The following COL28A1 variants were observed in gnomAD, a reference collection of about 807,000 sequenced individuals.
The protein encoded by COL28A1 is collagen alpha-1(XXVIII) chain.
In COL28A1, 161 loss-of-function variants were observed where a neutral mutation model predicts 150.2. That is an observed-to-expected ratio of 1.07 (90% confidence interval 0.94 to 1.22). The LOEUF (loss-of-function observed/expected upper bound fraction) is 1.22. Ranked by LOEUF, COL28A1 falls within the 50% of genes most tolerant of loss-of-function variation. COL28A1 has a pLI of 0.00. For missense variants in COL28A1, 1,617 were observed against 1,388.3 expected (o/e 1.16, Z -2.62); for synonymous variants, 552 against 469.7 (o/e 1.18, Z -2.26).
chr7:7,359,695 C>T (rs1780539664), intron 34 of COL28A1, among the ~76,000 whole-genome samples: 2 of 152,124 alleles, frequency 1.3e-5, no homozygotes. Context: ...CTTCCTTAAA[C>T]ATTTTCCCAG....
In COL28A1 at chr7:7,376,254, G is replaced by A. The variant is rs1391911154; in HGVS notation, c.2323-757C>T. ...AAGCTAAAAGAGATGATTAACAGAAGCCTAGATCTCAACAGGAAGGACCAG... is the reference window on the plus strand; with the variant it reads ...AAGCTAAAAGAGATGATTAACAGAAACCTAGATCTCAACAGGAAGGACCAG... On this transcript the variant is annotated intron_variant, in intron 30 of 34. Transcript: ENST00000399429. Among the ~76,000 whole-genome samples, 3 of 152,058 alleles carry A rather than the reference G, an allele frequency of 2.0e-5. No individual in the cohort carries two copies. In the East Asian group the frequency reaches 5.8e-4, roughly 29 times the overall value.
chr7:7,385,142 G>A (rs1240820995), intron 27 of COL28A1, among the ~76,000 whole-genome samples: 1 of 152,214 alleles, frequency 6.6e-6, no homozygotes, highest in Admixed American at 6.5e-5. Flanking sequence ...AACGCAAATA[G>A]TATAGGAACG....
chr7:7,532,050 G>C (rs1782396160), intron 2 of COL28A1, 146 bp from the exon 3 acceptor site: 3 of 521,542 alleles, frequency 5.8e-6, no homozygotes, highest in Middle Eastern at 5.1e-4. Flanking sequence ...TGGACAGAAG[G>C]CTTCAATTGT....
At chr7:7,525,764 T>C (rs78583728) in intron 3 of COL28A1, among the ~76,000 whole-genome samples, 3,206 of 152,312 alleles carry the variant, frequency 0.021, 111 homozygotes, top group African/African-American at 0.066. Context: ...GGGAATTAAG[T>C]GTCATTCTGG....
At chr7:7,529,794 G>T (rs1211989697) in intron 3 of COL28A1, among the ~76,000 whole-genome samples, 3 of 152,196 alleles carry the variant, frequency 2.0e-5, no homozygotes, top group Non-Finnish European at 4.4e-5. Flanking sequence ...TCTCCCACAC[G>T]GGCTGGAGCC....
Position 7,367,177 on chromosome 7 carries a change from C to T in COL28A1, c.3066+3548G>A, listed in dbSNP as rs545419967. 4.6e-5 allele frequency among the ~76,000 whole-genome samples: 7 copies of T among 152,144 alleles called. 1 individual carries two copies. Among genetic ancestry groups the T allele is most frequent in the Non-Finnish European group, 1.0e-4 (7 of 68,028 alleles). On this transcript the variant is annotated intron_variant, in intron 33 of 34. Coordinates refer to ENST00000399429, the MANE Select transcript of COL28A1 (RefSeq NM_001037763.3). ...GTGATATGCTGTGCAGGTTTGTAGCCTAGAAGCAATAGGCTAAACTATCTA... is the reference window on the plus strand; with the variant it reads ...GTGATATGCTGTGCAGGTTTGTAGCTTAGAAGCAATAGGCTAAACTATCTA...
At position 7,520,083 on chromosome 7, in the gene COL28A1, C is replaced by T. The variant is rs1425128669; in HGVS notation, c.792G>A (p.Glu264=). 1.4e-6 allele frequency: 2 copies of T among 1,446,874 alleles called. No homozygotes were observed. The highest frequency in any genetic ancestry group is 1.4e-5 in the African/African-American group (1 of 71,738). 89.6% of individuals were successfully genotyped at this position (1,446,874 alleles called of 1,614,324 possible). The change falls in exon 6 of 35, where the codon GAG becomes GAA. Residue 264 remains glutamate (E), a synonymous_variant. Coordinates refer to ENST00000399429, the MANE Select transcript of COL28A1 (RefSeq NM_001037763.3). ...TTACCGGGTTTCCTTTTGGTCCTCG[C>T]TCACCTTTGATACCTGGATTTCCAT... ...GTHGNPGIKG[E]RGPKGNPGNA...
intron 27 of COL28A1, among the ~76,000 whole-genome samples, chr7:7,390,265 A>G (rs1225330212): frequency 6.6e-6 from 1 of 152,110 alleles, no homozygotes; most frequent in East Asian, 1.9e-4. Flanking sequence ...GGTTTTTGTC[A>G]TTGGTTCTGT....
chr7:7,373,941 T>C lies in COL28A1; in HGVS notation c.2360-395A>G, dbSNP rs1280166421. On this transcript the variant is annotated intron_variant, in intron 31 of 34. Coordinates refer to ENST00000399429, the MANE Select transcript of COL28A1 (RefSeq NM_001037763.3). This position sits in a 1 kb window ranked among gnomAD's most constrained non-coding sequence, Gnocchi z 4.1. ...GTCTCGATCTCCTGACCTCGTGATA[T>C]GCCCGCCTCGGCCTCCCAAAGTGCT... Among the ~76,000 whole-genome samples the C allele has an allele frequency of 2.0e-5, 3 of 150,018 alleles. No individual in the cohort carries two copies. Among genetic ancestry groups the C allele is most frequent in the East Asian group, 2.0e-4 (1 of 5,128 alleles).
At chr7:7,511,796 C>T (rs779320462) in intron 8 of COL28A1, 9 of 471,038 alleles carry the variant, frequency 1.9e-5, no homozygotes, top group South Asian at 1.4e-4. Flanking sequence ...AAGCATGCTA[C>T]ATATTTTTCA....
chr7:7,542,572 G>T, the COL28A1 span, among the ~76,000 whole-genome samples: 2 of 152,178 alleles, frequency 1.3e-5, no homozygotes, highest in Non-Finnish European at 1.5e-5. Context: ...CTTACACAGA[G>T]GGCACCCAGG....
At chr7:7,429,143 C>T (rs17167625) in intron 25 of COL28A1, among the ~76,000 whole-genome samples, 14,974 of 152,154 alleles carry the variant, frequency 0.098, 887 homozygotes, top group Middle Eastern at 0.21. Flanking sequence ...TGCCTTAAGG[C>T]CACAATTTTA....
chr7:7,402,015 G>A (rs908823111), intron 27 of COL28A1, among the ~76,000 whole-genome samples: 1 of 152,160 alleles, frequency 6.6e-6, no homozygotes, highest in African/African-American at 2.4e-5. Context: ...AGTACAGAAG[G>A]ACAAATAACA....
At chr7:7,477,291 C>CA in intron 13 of COL28A1, 111 bp from the exon 14 acceptor site, 1 of 680,398 alleles carries the variant, frequency 1.5e-6, no homozygotes, top group African/African-American at 1.8e-5. Flanking sequence ...AGTTTACATG[C>CA]CAAAAAAAAA....
chr7:7,396,046 G>A (rs1455184633), intron 27 of COL28A1, among the ~76,000 whole-genome samples: 2 of 152,146 alleles, frequency 1.3e-5, no homozygotes, highest in African/African-American at 4.8e-5. Flanking sequence ...GTTTTGAAAG[G>A]GATCATTTTC....
chr7:7,456,164 T>C (rs1355307143), intron 15 of COL28A1, 52 bp from the exon 16 acceptor site: 1 of 1,579,020 alleles, frequency 6.3e-7, no homozygotes, highest in Non-Finnish European at 8.6e-7. Flanking sequence ...ATCTTATTAT[T>C]TCATACTTTG....
the COL28A1 span, among the ~76,000 whole-genome samples, chr7:7,344,337 T>A: frequency 1.9e-4 from 29 of 152,242 alleles, no homozygotes; most frequent in Non-Finnish European, 2.4e-4. Flanking sequence ...CCTCCTTTTG[T>A]ATTAATGAAG....
intron 27 of COL28A1, among the ~76,000 whole-genome samples, chr7:7,383,639 A>G (rs982379015): frequency 6.8e-6 from 1 of 147,810 alleles, no homozygotes; most frequent in South Asian, 2.1e-4. Context: ...ATTTTTTAAA[A>G]AAACCTCAAT....
rs76164201 is a variant in COL28A1, at chr7:7,517,358, A to G, written c.855+438T>C. Among the ~76,000 whole-genome samples the G allele has an allele frequency of 3.4e-3, 523 of 152,334 alleles. 6 individuals carry two copies. Among genetic ancestry groups the G allele is most frequent in the East Asian group, 0.013 (66 of 5,190 alleles). On this transcript the variant is annotated intron_variant, in intron 7 of 34. Transcript: ENST00000399429. ...AATTAGTTCTTGGGCAATATCCACT[A>G]TCTTCTAATTTGGGGTATAAGAAAT... is the stretch of plus-strand genomic sequence containing the variant.
Sources: gnomAD v4.1 joint callset for allele counts (sites outside exome capture counted in the v4.1 genomes callset) on GRCh38, gnomAD v4.1.1 for gene constraint, Gnocchi (gnomAD v3.1) non-coding constraint, MANE v1.5 for transcripts, NCBI Gene and HGNC (gene_info 2026-07-23, HGNC 2026-07-21) for gene names.